Variants in ELAPOR2 observed in about 807,000 individuals in gnomAD.
ELAPOR2 encodes the protein endosome-lysosome associated apoptosis and autophagy regulator family member 2.
A neutral mutation model predicts 120.7 loss-of-function variants in ELAPOR2; 89 were observed. The observed-to-expected ratio is 0.74, with a 90% confidence interval of 0.62 to 0.88. ELAPOR2 has a LOEUF of 0.88. Among genes scored for constraint, ELAPOR2 ranks in the 40% least tolerant of loss-of-function variants. The probability of loss-of-function intolerance (pLI) is 0.00; values close to 1 mark genes in which losing one functional copy is unlikely to be tolerated. For missense variants in ELAPOR2, 1,134 were observed against 1,251.6 expected, an observed-to-expected ratio of 0.91 and a Z score of 1.42; for synonymous variants, 444 against 444.9, an observed-to-expected ratio of 1.00 and a Z score of 0.03.
At chr7:87,051,489 T>C (rs1416255171) in intron 1 of ELAPOR2, among the ~76,000 whole-genome samples, 2 of 152,220 alleles carry the variant, frequency 1.3e-5, no homozygotes, top group African/African-American at 2.4e-5. Flanking sequence ...TAATAACTGA[T>C]ATTGGCGACT....
At chr7:86,885,390 A>C (rs898883902) in intron 21 of ELAPOR2, among the ~76,000 whole-genome samples, 1 of 152,150 alleles carries the variant, frequency 6.6e-6, no homozygotes, top group African/African-American at 2.4e-5. Flanking sequence ...AAACATTGAA[A>C]GCATTGGAAG....
chr7:86,926,856 T>C lies in ELAPOR2; in HGVS notation c.1150A>G (p.Ile384Val), dbSNP rs1041142424. 5.6e-6 allele frequency: 9 copies of C among 1,595,756 alleles called. No homozygotes were observed. Among genetic ancestry groups the C allele is most frequent in the African/African-American group, 1.4e-5 (1 of 69,418 alleles). Residue 384 changes from isoleucine to valine, a missense_variant, in exon 9 of 22, where the codon ATT becomes GTT. Coordinates refer to ENST00000450689, the MANE Select transcript of ELAPOR2 (RefSeq NM_001142749.3). ...TTCTCTCCAGAAGGGGGCAATCTAA[T>C]AGCATCTGTGAGATCCTCCCGGCAG... ...KICREDLTDA[I>V]RLPPSGEKKD...
intron 1 of ELAPOR2, among the ~76,000 whole-genome samples, chr7:86,982,423 C>T (rs1045193323): frequency 6.6e-6 from 1 of 152,194 alleles, no homozygotes. Context: ...CCGACTGACA[C>T]CTCATATAGG....
intron 18 of ELAPOR2, among the ~76,000 whole-genome samples, chr7:86,899,291 T>C (rs1788605843): frequency 6.6e-6 from 1 of 152,138 alleles, no homozygotes; most frequent in Admixed American, 6.6e-5. Flanking sequence ...CAGATTTTAG[T>C]AAGAACTGCT....
At position 86,964,936 on chromosome 7, in the gene ELAPOR2, C is replaced by T; in HGVS notation, c.278G>A (p.Gly93Asp). The T allele has an allele frequency of 1.9e-6, 3 of 1,551,524 alleles. No homozygotes were observed. The highest frequency in any genetic ancestry group is 2.4e-5 in the East Asian group (1 of 40,924). The change falls in exon 2 of 22, where the codon GGC becomes GAC. Residue 93 changes from glycine (G) to aspartate (D), a missense_variant. Around this residue, in one of 3 missense-constraint regions of ELAPOR2, gnomAD observed 280 missense variants for 331.5 expected, o/e 0.84. Transcript: ENST00000450689. Reference protein sequence around the residue: ...AIPNSAVDCSGLPDPVRGKEC... With the variant: ...AIPNSAVDCSDLPDPVRGKEC... ...TTTGCCTCTCACTGGGTCAGGCAGG[C>T]CAGAGCAGTCCACTGCAGAATTTGG...
intron 1 of ELAPOR2, among the ~76,000 whole-genome samples, chr7:87,009,287 G>A (rs73386282): frequency 0.012 from 1,845 of 152,284 alleles, 36 homozygotes; most frequent in African/African-American, 0.042. Context: ...CTTGGAAGAG[G>A]AAGTAGAGAT....
chr7:87,059,311 C>G lies in ELAPOR2; in HGVS notation c.189+14G>C. On this transcript the variant is annotated intron_variant, in intron 1 of 21. Transcript: ENST00000450689. Reference sequence around the variant, plus strand: ...CCCCAGCAAACTCCAGGTAGAGGACCAGGTGCTGCTCACCTCCTGGCAAGG... The same window carrying G: ...CCCCAGCAAACTCCAGGTAGAGGACGAGGTGCTGCTCACCTCCTGGCAAGG... 1 of 1,248,356 alleles carries G rather than the reference C, an allele frequency of 8.0e-7. No homozygotes were observed. Among genetic ancestry groups the G allele is most frequent in the Non-Finnish European group, 1.0e-6 (1 of 988,518 alleles). 77.3% of individuals were successfully genotyped at this position (1,248,356 alleles called of 1,614,324 possible).
rs1789407467 is a variant in ELAPOR2 at position 86,913,218 on chromosome 7, C to T, written c.1732-14G>A. On this transcript the variant is annotated splice_polypyrimidine_tract_variant and intron_variant, in intron 13 of 21. Coordinates refer to ENST00000450689, the MANE Select transcript of ELAPOR2 (RefSeq NM_001142749.3). The stretch of plus-strand genomic sequence containing the variant: ...GAACCGTCTATTCTAAAAAAAAGAG[C>T]ATAAAGTAATGACTTCTGCCTTGGG... 1.2e-6 allele frequency: 2 copies of T among 1,610,342 alleles called. No homozygotes were observed. Among genetic ancestry groups the T allele is most frequent in the Non-Finnish European group, 1.7e-6 (2 of 1,177,406 alleles).
intron 1 of ELAPOR2, among the ~76,000 whole-genome samples, chr7:86,974,675 A>C (rs1257994881): frequency 6.6e-6 from 1 of 151,602 alleles, no homozygotes; most frequent in Non-Finnish European, 1.5e-5. Context: ...ACAGTAGTTA[A>C]CTAAGTGATG....
chr7:87,006,517 G>A (rs1425608644), intron 1 of ELAPOR2, among the ~76,000 whole-genome samples: 1 of 151,918 alleles, frequency 6.6e-6, no homozygotes, highest in Non-Finnish European at 1.5e-5. Flanking sequence ...ATAACTTAAA[G>A]TATAATTTAA....
At chr7:87,003,080 T>C (rs1182277996) in intron 1 of ELAPOR2, among the ~76,000 whole-genome samples, 1 of 152,096 alleles carries the variant, frequency 6.6e-6, no homozygotes, top group East Asian at 1.9e-4. Flanking sequence ...TCACACAGGT[T>C]CTACAGGTCT....
At chr7:86,882,663 T>C (rs1799467853) in intron 21 of ELAPOR2, among the ~76,000 whole-genome samples, 1 of 152,158 alleles carries the variant, frequency 6.6e-6, no homozygotes, top group South Asian at 2.1e-4. Flanking sequence ...TCCTAAGATA[T>C]GACCCAAGTC....
chr7:86,912,950 T>C lies in ELAPOR2; in HGVS notation c.1986A>G (p.Lys662=), dbSNP rs1210467106. The stretch of plus-strand genomic sequence containing the variant: ...ATGCAGACCCACTTACCTGATTGTT[T>C]TTACTCCCAGGCCCGCATGGAATAC... ...EACIPCGPGS[K]NNQDHSVCYS... is the part of the protein sequence containing the mutation. Residue 662 remains lysine, a synonymous_variant, in exon 14 of 22, where the codon AAA becomes AAG. Coordinates refer to ENST00000450689, the MANE Select transcript of ELAPOR2 (RefSeq NM_001142749.3). 2 of 1,613,904 alleles carry C rather than the reference T, an allele frequency of 1.2e-6. No individual in the cohort carries two copies. The highest frequency in any genetic ancestry group is 1.7e-6 in the Non-Finnish European group (2 of 1,179,832).
intron 1 of ELAPOR2, among the ~76,000 whole-genome samples, chr7:86,988,117 T>C (rs1792817574): frequency 6.6e-6 from 1 of 152,196 alleles, no homozygotes; most frequent in Admixed American, 6.5e-5. Context: ...AAACACCGCA[T>C]GTTCTCACTC....
chr7:87,007,790 G>C (rs1282981982), intron 1 of ELAPOR2, among the ~76,000 whole-genome samples: 1 of 152,170 alleles, frequency 6.6e-6, no homozygotes, highest in Non-Finnish European at 1.5e-5. Flanking sequence ...GCTTCCAATA[G>C]CTGAATCTAG....
chr7:86,989,684 G>A (rs772977526), intron 1 of ELAPOR2, among the ~76,000 whole-genome samples: 12 of 152,010 alleles, frequency 7.9e-5, no homozygotes, highest in Non-Finnish European at 1.3e-4. Flanking sequence ...CTGCGTCTTC[G>A]CCTCAAGTTT....
intron 1 of ELAPOR2, among the ~76,000 whole-genome samples, chr7:87,008,850 C>T (rs953512946): frequency 1.3e-5 from 2 of 152,124 alleles, no homozygotes; most frequent in African/African-American, 4.8e-5. Flanking sequence ...TGCAGGAGTT[C>T]CTTGTACTAG....
Position 86,913,159 on chromosome 7 carries a change from C to G in ELAPOR2, c.1777G>C (p.Ala593Pro). The G allele has an allele frequency of 1.2e-6, 2 of 1,613,986 alleles. No homozygotes were observed. Among genetic ancestry groups the G allele is most frequent in the Non-Finnish European group, 1.7e-6 (2 of 1,179,972 alleles). Residue 593 changes from alanine (A) to proline (P), a missense_variant, in exon 14 of 22, where the codon GCC becomes CCC. Ala to Pro is a conservative substitution (Grantham distance 27). Transcript: ENST00000450689. Reference protein sequence around the residue: ...NDMVKIYSITATNAVDGVASS... With the variant: ...NDMVKIYSITPTNAVDGVASS... ...GCCACCCCATCAACTGCATTAGTGGCTGTGATAGAATAAATCTTCACCATG... is the reference window on the plus strand; with the variant it reads ...GCCACCCCATCAACTGCATTAGTGGGTGTGATAGAATAAATCTTCACCATG...
chr7:87,048,025 C>G (rs1356173611), intron 1 of ELAPOR2, among the ~76,000 whole-genome samples: 1 of 152,116 alleles, frequency 6.6e-6, no homozygotes, highest in Non-Finnish European at 1.5e-5. Context: ...GTGGGCGGAT[C>G]ACAAGGTCAA....
Sources: gnomAD v4.1 joint callset for allele counts (sites outside exome capture counted in the v4.1 genomes callset) on GRCh38, gnomAD v4.1.1 for gene constraint, gnomAD v4.1.1 regional missense constraint, MANE v1.5 for transcripts, NCBI Gene and HGNC (gene_info 2026-07-23, HGNC 2026-07-21) for gene names.